The following TLE1 variants were observed in gnomAD, a reference collection of about 807,000 sequenced individuals.
TLE1 encodes the protein TLE family member 1, transcriptional corepressor.
Under a neutral mutation model 89.8 loss-of-function variants are expected in TLE1, and 21 were observed. The ratio of observed to expected loss-of-function variants is 0.23; its 90% CI spans 0.17 to 0.34. The LOEUF (loss-of-function observed/expected upper bound fraction) is 0.34. Ranked by LOEUF, TLE1 falls within the 10% of genes least tolerant of loss-of-function variation. The pLI, the probability that TLE1 is intolerant of heterozygous loss-of-function variation, is 1.00. For synonymous variants in TLE1, 447 were observed against 407.6 expected (o/e 1.10, Z -1.16); for missense variants, 795 against 1,031.2 (o/e 0.77, Z 3.14).
At chr9:81,611,710 C>T (rs1191205954) in intron 13 of TLE1, 59 bp downstream of exon 13, 36 of 1,379,240 alleles carry the variant, frequency 2.6e-5, no homozygotes, top group South Asian at 3.5e-5. Flanking sequence ...AACCTGACAG[C>T]GCTCAATGGA....
chr9:81,624,993 G>A (rs1825733753), intron 8 of TLE1, among the ~76,000 whole-genome samples: 1 of 152,030 alleles, frequency 6.6e-6, no homozygotes, highest in Non-Finnish European at 1.5e-5. Context: ...GTACATAAAG[G>A]GAGAAGCATA....
intron 8 of TLE1, among the ~76,000 whole-genome samples, chr9:81,631,611 CA>C (rs775507928): frequency 6.3e-4 from 96 of 152,322 alleles, no homozygotes; most frequent in Non-Finnish European, 1.2e-3. Context: ...ATATGGTATG[CA>C]CTCAATGAAC....
At chr9:81,631,144 C>CTTACAAA (rs1826545992) in intron 8 of TLE1, among the ~76,000 whole-genome samples, 6 of 152,178 alleles carry the variant, frequency 3.9e-5, no homozygotes, top group Admixed American at 3.3e-4. Context: ...ACTGCTAACC[C>CTTACAAA]TAACTTATAG....
At chr9:81,668,322 A>G (rs1370966448) in intron 4 of TLE1, among the ~76,000 whole-genome samples, 1 of 152,322 alleles carries the variant, frequency 6.6e-6, no homozygotes, top group South Asian at 2.1e-4. Flanking sequence ...AGTCACGATT[A>G]AAATGAAATC....
intron 11 of TLE1, among the ~76,000 whole-genome samples, chr9:81,615,109 AAAAAAAAAAAAAG>A (rs1824274297): frequency 3.0e-5 from 4 of 133,078 alleles, no homozygotes; most frequent in East Asian, 2.1e-4. Flanking sequence ...AAAAAAAAAA[AAAAAAAAAAAAAG>A]AAGAAGAAGA....
At chr9:81,592,982 C>T (rs1218747776) in intron 15 of TLE1, 43 bp downstream of exon 15, 1 of 1,587,708 alleles carries the variant, frequency 6.3e-7, no homozygotes, top group Admixed American at 1.7e-5. Flanking sequence ...TATTGAATCT[C>T]CAGGGAGAAA....
At chr9:81,589,413 G>C (rs1304282222) in intron 16 of TLE1, among the ~76,000 whole-genome samples, 2 of 152,134 alleles carry the variant, frequency 1.3e-5, no homozygotes, top group Non-Finnish European at 2.9e-5. Context: ...ACATTCAATA[G>C]GCTTTACATG....
chr9:81,584,965 C>T (rs11139331), intron 18 of TLE1, among the ~76,000 whole-genome samples: 10 of 149,378 alleles, frequency 6.7e-5, no homozygotes, highest in African/African-American at 2.2e-4. Flanking sequence ...CACTCATCCA[C>T]CCATCCATCC....
chr9:81,669,918 T>C (rs1832002139), intron 4 of TLE1, among the ~76,000 whole-genome samples: 1 of 152,172 alleles, frequency 6.6e-6, no homozygotes, highest in Non-Finnish European at 1.5e-5. Flanking sequence ...CCACAGTATA[T>C]CAATGTCAAA....
chr9:81,590,202 G>A (rs1308115955), intron 16 of TLE1, among the ~76,000 whole-genome samples: 2 of 152,234 alleles, frequency 1.3e-5, no homozygotes, highest in South Asian at 4.1e-4. Flanking sequence ...ATTTGGCGGG[G>A]GAGCTGAGGA....
rs1459107562 is a variant in TLE1, at chr9:81,660,967, ACACACACACAC to A, written c.235-6942_235-6932del. 3.0e-3 allele frequency among the ~76,000 whole-genome samples: 336 copies of A among 110,576 alleles called. 5 individuals carry two copies. The highest frequency in any genetic ancestry group is 4.6e-3 in the Non-Finnish European group (225 of 48,468). 72.5% of individuals were successfully genotyped at this position (110,576 alleles called of 152,430 possible). On this transcript the variant is annotated intron_variant, in intron 4 of 19. Coordinates refer to ENST00000376499, the MANE Select transcript of TLE1 (RefSeq NM_005077.5). ...CACACACACACACACACACACACACACACACACACACATTTAGCCTGGCGTGGTGGCACGTG... is the reference window on the plus strand; with the variant it reads ...CACACACACACACACACACACACACAATTTAGCCTGGCGTGGTGGCACGTG...
chr9:81,688,795 A>T lies in TLE1; in HGVS notation c.-555T>A, dbSNP rs1564096100. The T allele has an allele frequency of 6.6e-6, 1 of 152,406 alleles. No homozygotes were observed. Among genetic ancestry groups the T allele is most frequent in the Non-Finnish European group, 1.5e-5 (1 of 68,202 alleles). 9.4% of individuals were successfully genotyped at this position (152,406 alleles called of 1,614,324 possible). ...ACGCTTTCGGGGCGACTCCCGCAAG[A>T]TTCGGCTGCGCCTTCGGCCGGGTGC... On this transcript the variant is annotated 5_prime_UTR_variant, in exon 1 of 20. Coordinates refer to ENST00000376499, the MANE Select transcript of TLE1 (RefSeq NM_005077.5).
intron 8 of TLE1, among the ~76,000 whole-genome samples, chr9:81,624,044 A>C (rs1208412488): frequency 6.6e-6 from 1 of 152,128 alleles, no homozygotes; most frequent in Non-Finnish European, 1.5e-5. Context: ...CCCTCTCAGA[A>C]GAGTGATTTT....
chr9:81,597,160 A>G (rs939875686), intron 14 of TLE1, among the ~76,000 whole-genome samples: 8 of 152,286 alleles, frequency 5.3e-5, no homozygotes, highest in African/African-American at 1.9e-4. Flanking sequence ...TAAAACACAG[A>G]GGTCGCAGGG....
chr9:81,660,580 A>AT lies in TLE1; in HGVS notation c.235-6545dup, dbSNP rs372771789. ...AGGTGCCTGCTACCACACCCGGCTA[A>AT]TTTTTTTTTGTATTTTTAGTAGAGA... is the stretch of plus-strand genomic sequence containing the variant. On this transcript the variant is annotated intron_variant, in intron 4 of 19. Coordinates refer to ENST00000376499, the MANE Select transcript of TLE1 (RefSeq NM_005077.5). Among the ~76,000 whole-genome samples, 392 of 149,224 alleles carry AT rather than the reference A, an allele frequency of 2.6e-3. 2 individuals are homozygous for AT. The highest frequency in any genetic ancestry group is 9.3e-3 in the African/African-American group (379 of 40,716).
In TLE1 at chr9:81,631,931, C is replaced by T. The variant is rs529501614; in HGVS notation, c.594+1417G>A. Among the ~76,000 whole-genome samples, 13 of 152,186 alleles carry T rather than the reference C, an allele frequency of 8.5e-5. No homozygotes were observed. In the South Asian group the frequency reaches 1.7e-3, roughly 19 times the overall value. On this transcript the variant is annotated intron_variant, in intron 8 of 19. Coordinates refer to ENST00000376499, the MANE Select transcript of TLE1 (RefSeq NM_005077.5). ...CAGCCTGACCAACATGGAGAAACCC[C>T]GTCTGTACTAAAAATACAAAATTAG...
intron 6 of TLE1, among the ~76,000 whole-genome samples, chr9:81,642,616 C>G (rs1263973047): frequency 6.6e-6 from 1 of 152,016 alleles, no homozygotes; most frequent in African/African-American, 2.4e-5. Flanking sequence ...ACTGCTTGAA[C>G]CCAAGAGATA....
At chr9:81,637,112 C>G (rs112142324) in intron 6 of TLE1, among the ~76,000 whole-genome samples, 9 of 152,046 alleles carry the variant, frequency 5.9e-5, no homozygotes, top group African/African-American at 2.2e-4. Context: ...AATCCCAGCA[C>G]TTTGGGAGGC....
intron 7 of TLE1, chr9:81,633,581 A>C (rs1472290534): frequency 4.8e-6 from 3 of 623,396 alleles, no homozygotes; most frequent in Non-Finnish European, 8.0e-6. Context: ...ACCATACACA[A>C]AGCCTATTTT....
Sources: gnomAD v4.1 joint callset for allele counts (sites outside exome capture counted in the v4.1 genomes callset) on GRCh38, gnomAD v4.1.1 for gene constraint, MANE v1.5 for transcripts, NCBI Gene and HGNC (gene_info 2026-07-23, HGNC 2026-07-21) for gene names.